Variants in SPOCK3 observed in about 807,000 individuals in gnomAD.
The protein encoded by SPOCK3 is testican-3.
A neutral mutation model predicts 56.6 loss-of-function variants in SPOCK3; 30 were observed. The ratio of observed to expected loss-of-function variants is 0.53; its 90% CI spans 0.40 to 0.72. The LOEUF is 0.72. Among genes scored for constraint, SPOCK3 ranks in the 30% least tolerant of loss-of-function variants. SPOCK3 has a pLI of 0.00. For synonymous variants in SPOCK3, 196 were observed against 183.3 expected (o/e 1.07, Z -0.56); for missense variants, 527 against 530.0 (o/e 0.99, Z 0.06).
At chr4:166,981,413 G>C (rs1366718047) in intron 4 of SPOCK3, among the ~76,000 whole-genome samples, 1 of 151,986 alleles carries the variant, frequency 6.6e-6, no homozygotes, top group East Asian at 1.9e-4. Context: ...CCAGCTCTCA[G>C]AGGGTAGGCG....
At chr4:167,196,655 T>G (rs1224744200) in intron 2 of SPOCK3, among the ~76,000 whole-genome samples, 1 of 152,168 alleles carries the variant, frequency 6.6e-6, no homozygotes, top group Non-Finnish European at 1.5e-5. Flanking sequence ...AGCTGCATTC[T>G]TTTCTAGAGT....
Position 167,010,831 on chromosome 4 carries a change from T to C in SPOCK3, c.236-10368A>G, listed in dbSNP as rs192193180. ...TGATTAATTTCCAGTGGGGGGGAGA[T>C]AAAATGAGGTGAAACTCATTAAAAA... On this transcript the variant is annotated intron_variant, in intron 3 of 10. Transcript: ENST00000357545. 1.9e-3 allele frequency among the ~76,000 whole-genome samples: 292 copies of C among 152,070 alleles called. 1 individual carries two copies. Among genetic ancestry groups the C allele is most frequent in the African/African-American group, 6.6e-3 (275 of 41,492 alleles).
chr4:167,176,404 C>T (rs1194011279), intron 2 of SPOCK3, among the ~76,000 whole-genome samples: 2 of 152,098 alleles, frequency 1.3e-5, no homozygotes, highest in African/African-American at 4.8e-5. Context: ...TCACCAACTA[C>T]TTCATCTTCA....
chr4:166,780,799 G>A (rs576606669), intron 7 of SPOCK3, among the ~76,000 whole-genome samples: 55 of 152,216 alleles, frequency 3.6e-4, no homozygotes, highest in African/African-American at 1.2e-3. Flanking sequence ...TACCAGAGCA[G>A]CAAATGTTGC....
At chr4:166,763,397 G>A (rs1245840795) in intron 7 of SPOCK3, among the ~76,000 whole-genome samples, 1 of 152,038 alleles carries the variant, frequency 6.6e-6, no homozygotes, top group Non-Finnish European at 1.5e-5. Flanking sequence ...ATATAATAAT[G>A]TAATAATGAC....
intron 6 of SPOCK3, among the ~76,000 whole-genome samples, chr4:166,798,468 T>C (rs1049500145): frequency 6.6e-6 from 1 of 152,178 alleles, no homozygotes; most frequent in Admixed American, 6.5e-5. Context: ...TGATGGTTAT[T>C]GCTCCCCAGG....
At chr4:166,990,169 A>G (rs1747616128) in intron 4 of SPOCK3, among the ~76,000 whole-genome samples, 1 of 152,192 alleles carries the variant, frequency 6.6e-6, no homozygotes, top group Non-Finnish European at 1.5e-5. Flanking sequence ...GAGGAACATC[A>G]TCCTTTGTTC....
chr4:166,817,132 G>A (rs958919350), intron 6 of SPOCK3, among the ~76,000 whole-genome samples: 15 of 152,110 alleles, frequency 9.9e-5, no homozygotes, highest in Admixed American at 2.6e-4. Flanking sequence ...GCTGTTTCCC[G>A]AAGGTCTGAT....
chr4:166,958,378 T>C (rs1303135145), intron 4 of SPOCK3, among the ~76,000 whole-genome samples: 1 of 152,148 alleles, frequency 6.6e-6, no homozygotes, highest in Non-Finnish European at 1.5e-5. Flanking sequence ...TTAACCTTTT[T>C]TTCTTATAAT....
chr4:167,135,870 G>C (rs1763079191), intron 2 of SPOCK3, among the ~76,000 whole-genome samples: 1 of 151,986 alleles, frequency 6.6e-6, no homozygotes. Context: ...TTCCACTTCC[G>C]ATTTGATCTG....
At chr4:166,950,118 C>A (rs1214080539) in intron 4 of SPOCK3, among the ~76,000 whole-genome samples, 1 of 151,256 alleles carries the variant, frequency 6.6e-6, no homozygotes, top group Non-Finnish European at 1.5e-5. Context: ...ACTAAATGCT[C>A]CAATTAAAAG....
chr4:166,984,799 C>T (rs1377800923), intron 4 of SPOCK3, among the ~76,000 whole-genome samples: 1 of 152,092 alleles, frequency 6.6e-6, no homozygotes, highest in African/African-American at 2.4e-5. Flanking sequence ...TAACTACAGA[C>T]CATGAAATGT....
intron 6 of SPOCK3, among the ~76,000 whole-genome samples, chr4:166,829,095 T>A (rs1383030747): frequency 1.3e-5 from 2 of 152,018 alleles, no homozygotes; most frequent in African/African-American, 4.8e-5. Flanking sequence ...TCCACAAATC[T>A]TTACAGAAAT....
chr4:166,744,351 G>A (rs993112481), intron 8 of SPOCK3, among the ~76,000 whole-genome samples: 2 of 152,194 alleles, frequency 1.3e-5, no homozygotes, highest in African/African-American at 4.8e-5. Context: ...AGGGTCTGGA[G>A]TGGACCTCCA....
intron 3 of SPOCK3, among the ~76,000 whole-genome samples, chr4:167,060,427 A>C (rs1485100696): frequency 6.6e-6 from 1 of 152,122 alleles, no homozygotes; most frequent in Non-Finnish European, 1.5e-5. Flanking sequence ...GACACTATTT[A>C]GATGGAAATA....
chr4:167,179,147 G>C (rs1287475021), intron 2 of SPOCK3, among the ~76,000 whole-genome samples: 1 of 152,144 alleles, frequency 6.6e-6, no homozygotes, highest in Non-Finnish European at 1.5e-5. Context: ...AAGGTGGCTA[G>C]GGTAAGATTT....
chr4:167,179,114 G>C (rs1189935732), intron 2 of SPOCK3, among the ~76,000 whole-genome samples: 2 of 152,116 alleles, frequency 1.3e-5, no homozygotes, highest in African/African-American at 4.8e-5. Context: ...CAGAGTCCTG[G>C]AAGAGTCTGC....
chr4:166,978,931 T>C (rs1746276845), intron 4 of SPOCK3, among the ~76,000 whole-genome samples: 1 of 152,132 alleles, frequency 6.6e-6, no homozygotes, highest in Admixed American at 6.5e-5. Flanking sequence ...CGGAAGAGGC[T>C]GGGAAGGAGA....
At position 166,978,188 on chromosome 4, in the gene SPOCK3, C is replaced by T. The variant is rs114723472; in HGVS notation, c.350+22161G>A. ...TTAAAACAGTTGAGCTCTTATACTC[C>T]ATAATTCTTACTTCTCTTTCCAATT... On this transcript the variant is annotated intron_variant, in intron 4 of 10. Transcript: ENST00000357545. Among the ~76,000 whole-genome samples, 1,324 of 152,188 alleles carry T rather than the reference C, an allele frequency of 8.7e-3. 18 individuals are homozygous for T. Among genetic ancestry groups the T allele is most frequent in the African/African-American group, 0.03 (1,237 of 41,542 alleles).
Sources: allele counts gnomAD v4.1 joint callset (sites outside exome capture counted in the v4.1 genomes callset), GRCh38; gene constraint gnomAD v4.1.1; transcripts MANE v1.5; gene names NCBI Gene and HGNC (gene_info 2026-07-23, HGNC 2026-07-21).